Variants in CALN1 observed in about 807,000 individuals in gnomAD.
The protein encoded by CALN1 is calcium-binding protein 8.
A neutral mutation model predicts 30.6 loss-of-function variants in CALN1; 17 were observed. The observed-to-expected ratio is 0.56, with a 90% CI of 0.38 to 0.83. The LOEUF is 0.83. Among genes scored for constraint, CALN1 ranks in the 40% least tolerant of loss-of-function variants. CALN1 has a pLI of 0.00. For synonymous variants in CALN1, 156 were observed against 131.4 expected, an observed-to-expected ratio of 1.19 and a Z score of -1.28; for missense variants, 291 against 354.9, an observed-to-expected ratio of 0.82 and a Z score of 1.45.
At chr7:71,850,310 G>C (rs979212211) in intron 5 of CALN1, among the ~76,000 whole-genome samples, 2 of 152,150 alleles carry the variant, frequency 1.3e-5, no homozygotes, top group African/African-American at 4.8e-5. Context: ...CCGCCTCCCG[G>C]GTTCAAGCGA....
intron 1 of CALN1, among the ~76,000 whole-genome samples, chr7:72,423,936 GAGAA>G (rs146895166): frequency 0.21 from 23,645 of 112,634 alleles, 2,386 homozygotes; most frequent in Middle Eastern, 0.26. Flanking sequence ...AAAGAAAGAA[GAGAA>G]AGAAAGAAAG....
At chr7:72,015,447 T>C (rs924782687) in intron 5 of CALN1, among the ~76,000 whole-genome samples, 1 of 151,628 alleles carries the variant, frequency 6.6e-6, no homozygotes, top group African/African-American at 2.4e-5. Context: ...TTTTTTTTTT[T>C]TCTCTTTTTG....
rs180757246 is a variant in CALN1 at position 72,119,997 on chromosome 7, G to A, written c.245-13703C>T. ...TTAGATTCAGGGGGTACATGTGCAC[G>A]TTCGTTCCATGGGTATATTGTGTGA... On this transcript the variant is annotated intron_variant, in intron 3 of 6. Transcript: ENST00000395275. Among the ~76,000 whole-genome samples the A allele has an allele frequency of 1.1e-3, 172 of 152,174 alleles. 2 individuals are homozygous for A. Among genetic ancestry groups the A allele is most frequent in the Non-Finnish European group, 1.4e-3 (97 of 68,006 alleles).
At position 71,926,137 on chromosome 7, in the gene CALN1, C is replaced by G. The variant is rs540449390; in HGVS notation, c.501+97520G>C. On this transcript the variant is annotated intron_variant, in intron 5 of 6. Coordinates refer to ENST00000395275, the MANE Select transcript of CALN1 (RefSeq NM_031468.4). ...CCTCTCAACACAGAAGCTAACTCCC[C>G]ACATGCTCGGGCTCCCTAAGCAAGC... Among the ~76,000 whole-genome samples the G allele has an allele frequency of 3.3e-5, 5 of 152,262 alleles. No homozygotes were observed. The South Asian group carries it at 1.0e-3, about 32-fold the overall frequency.
At chr7:72,271,718 T>C (rs1384355030) in intron 3 of CALN1, among the ~76,000 whole-genome samples, 3 of 150,660 alleles carry the variant, frequency 2.0e-5, no homozygotes, top group African/African-American at 7.4e-5. Flanking sequence ...CTGCAAAAAC[T>C]AAGGTGTGAA....
At chr7:72,016,880 C>T (rs542684849) in intron 5 of CALN1, among the ~76,000 whole-genome samples, 42 of 150,270 alleles carry the variant, frequency 2.8e-4, no homozygotes, top group Non-Finnish European at 5.5e-4. Context: ...AGGCTGGGCA[C>T]GGTGGCTCAT....
intron 5 of CALN1, among the ~76,000 whole-genome samples, chr7:71,960,895 C>A (rs1302662895): frequency 6.6e-6 from 1 of 152,180 alleles, no homozygotes; most frequent in Non-Finnish European, 1.5e-5. Flanking sequence ...CAGCTCATTG[C>A]AACCTCCACC....
At chr7:72,483,499 G>C in the CALN1 span, among the ~76,000 whole-genome samples, 14 of 151,960 alleles carry the variant, frequency 9.2e-5, no homozygotes, top group African/African-American at 3.4e-4. Context: ...TGGCCAGGCT[G>C]GTCTTGAATT....
intron 2 of CALN1, among the ~76,000 whole-genome samples, chr7:72,342,258 CAAAA>C (rs35193419): frequency 7.9e-6 from 1 of 126,628 alleles, no homozygotes; most frequent in Admixed American, 8.1e-5. Context: ...GACTTTGTCT[CAAAA>C]AAAAAAAAAA....
chr7:72,345,021 TATA>T (rs1023099167), intron 2 of CALN1, among the ~76,000 whole-genome samples: 3 of 147,914 alleles, frequency 2.0e-5, no homozygotes, highest in African/African-American at 7.4e-5. Context: ...ATATGTACAA[TATA>T]ATGGCACATG....
chr7:72,391,619 G>A (rs556262470), intron 2 of CALN1, among the ~76,000 whole-genome samples: 1 of 140,398 alleles, frequency 7.1e-6, no homozygotes, highest in African/African-American at 3.1e-5. Context: ...GAATCATGGA[G>A]GGGGTTTCCC....
At chr7:72,380,204 G>T (rs1025609554) in intron 2 of CALN1, among the ~76,000 whole-genome samples, 1 of 152,150 alleles carries the variant, frequency 6.6e-6, no homozygotes, top group Admixed American at 6.5e-5. Context: ...CTGGATACCA[G>T]TCAAGCCCCA....
At chr7:72,405,844 A>C (rs1378200449) in intron 1 of CALN1, among the ~76,000 whole-genome samples, 1 of 152,202 alleles carries the variant, frequency 6.6e-6, no homozygotes, top group Non-Finnish European at 1.5e-5. Flanking sequence ...CCCCATATGC[A>C]AAAACTTCTG....
intron 4 of CALN1, among the ~76,000 whole-genome samples, chr7:72,074,384 C>T (rs1173832794): frequency 6.6e-6 from 1 of 152,182 alleles, no homozygotes; most frequent in Non-Finnish European, 1.5e-5. Context: ...TGACCAGTTC[C>T]CCTCTGCCAT....
At chr7:72,492,651 C>T in the CALN1 span, among the ~76,000 whole-genome samples, 1 of 152,220 alleles carries the variant, frequency 6.6e-6, no homozygotes, top group Non-Finnish European at 1.5e-5. Flanking sequence ...GGTCAGCCCT[C>T]GTGGCTCTAA....
At chr7:72,308,831 G>C (rs1023905404) in intron 2 of CALN1, among the ~76,000 whole-genome samples, 5 of 152,168 alleles carry the variant, frequency 3.3e-5, no homozygotes, top group Non-Finnish European at 7.3e-5. Flanking sequence ...GAGTGATAAT[G>C]ATTCTAGAAG....
chr7:72,006,847 C>T (rs901922157), intron 5 of CALN1, among the ~76,000 whole-genome samples: 9 of 152,118 alleles, frequency 5.9e-5, no homozygotes, highest in African/African-American at 1.7e-4. Context: ...CCGAGTCATC[C>T]GCATGCCTCC....
At chr7:72,306,232 G>C (rs1462906051) in intron 2 of CALN1, among the ~76,000 whole-genome samples, 1 of 152,094 alleles carries the variant, frequency 6.6e-6, no homozygotes, top group Non-Finnish European at 1.5e-5. Flanking sequence ...TGTCCTTTGT[G>C]GGGGAAAATG....
At chr7:71,810,281 T>C in intron 6 of CALN1, 55 bp downstream of exon 6, 1 of 1,563,524 alleles carries the variant, frequency 6.4e-7, no homozygotes, top group Non-Finnish European at 8.7e-7. Context: ...ATATAGAGAG[T>C]GTGGTGCATT....
Sources: gnomAD v4.1 joint callset for allele counts (sites outside exome capture counted in the v4.1 genomes callset) on GRCh38, gnomAD v4.1.1 for gene constraint, MANE v1.5 for transcripts, NCBI Gene and HGNC (gene_info 2026-07-23, HGNC 2026-07-21) for gene names.